Variants in CAMSAP2 observed in about 807,000 individuals in gnomAD.
CAMSAP2 encodes calmodulin regulated spectrin associated protein family member 2.
CAMSAP2 carries 26 observed loss-of-function variants against 146.1 expected under a neutral mutation model. That is an observed-to-expected ratio of 0.18 (90% CI 0.13 to 0.25). The LOEUF is 0.25. Among genes scored for constraint, CAMSAP2 ranks in the 10% least tolerant of loss-of-function variants. The pLI, the probability that CAMSAP2 is intolerant of heterozygous loss-of-function variation, is 1.00. For synonymous variants in CAMSAP2, 499 were observed against 596.6 expected (o/e 0.84, Z 2.38); for missense variants, 1,381 against 1,759.3 (o/e 0.78, Z 3.85).
Position 200,848,681 on chromosome 1 carries a change from T to C in CAMSAP2, c.1912T>C (p.Ser638Pro), listed in dbSNP as rs1667528439. Residue 638 changes from serine (S) to proline (P), a missense_variant, in exon 11 of 17, where the codon TCT becomes CCT. Coordinates refer to ENST00000358823, the MANE Select transcript of CAMSAP2 (RefSeq NM_203459.4). ...GAGAGATTATACTGTAAGCTTGGAC[T>C]CTGACATGGATGATGCATCTAAATT... Reference protein sequence around the residue: ...SLRDYTVSLDSDMDDASKFLQ... With the variant: ...SLRDYTVSLDPDMDDASKFLQ... The C allele has an allele frequency of 1.2e-6, 2 of 1,614,048 alleles. No homozygotes were observed. Among genetic ancestry groups the C allele is most frequent in the Non-Finnish European group, 1.7e-6 (2 of 1,180,004 alleles).
At chr1:200,852,417 A>C in intron 11 of CAMSAP2, 124 bp from the exon 12 acceptor site, 3 of 999,964 alleles carry the variant, frequency 3.0e-6, no homozygotes, top group Non-Finnish European at 4.3e-6. Context: ...ACCCACATTC[A>C]GAAGGGTTGT....
chr1:200,791,355 T>G (rs1237431671), intron 2 of CAMSAP2, among the ~76,000 whole-genome samples: 1 of 152,224 alleles, frequency 6.6e-6, no homozygotes, highest in Non-Finnish European at 1.5e-5. Flanking sequence ...TTTCTTTGTA[T>G]TTACCCCGTT....
In CAMSAP2 at chr1:200,858,210, A is replaced by G; in HGVS notation, c.*151A>G. On this transcript the variant is annotated 3_prime_UTR_variant, in exon 17 of 17. Transcript: ENST00000358823. The stretch of plus-strand genomic sequence containing the variant: ...GTCATGAACAACTGGAATGTAAACC[A>G]CAGTATTTTGGAGTGCAGAACATTC... 1 of 645,692 alleles carries G rather than the reference A, an allele frequency of 1.5e-6. No individual in the cohort carries two copies. Among genetic ancestry groups the G allele is most frequent in the South Asian group, 2.6e-5 (1 of 38,202 alleles). 40.0% of individuals were successfully genotyped at this position (645,692 alleles called of 1,614,324 possible). A position where few individuals can be genotyped will look rare whatever the true frequency, so the allele number is the denominator to read the frequency against.
At chr1:200,783,714 C>T (rs1665506626) in intron 2 of CAMSAP2, among the ~76,000 whole-genome samples, 1 of 152,088 alleles carries the variant, frequency 6.6e-6, no homozygotes, top group African/African-American at 2.4e-5. Context: ...GTTTTGAACT[C>T]CTGGGCTCAA....
At chr1:200,782,441 G>C (rs144937160) in intron 2 of CAMSAP2, among the ~76,000 whole-genome samples, 3 of 152,170 alleles carry the variant, frequency 2.0e-5, no homozygotes, top group Non-Finnish European at 4.4e-5. Context: ...AAATTCCCTT[G>C]TGCCTTTTTG....
intron 1 of CAMSAP2, among the ~76,000 whole-genome samples, chr1:200,757,451 A>G (rs6427855): frequency 0.32 from 48,162 of 152,020 alleles, 8,686 homozygotes; most frequent in East Asian, 0.52. Context: ...AACTCATCTC[A>G]TATCCTTTGC....
chr1:200,745,770 TTGA>T (rs1195381603), intron 1 of CAMSAP2, among the ~76,000 whole-genome samples: 1 of 152,176 alleles, frequency 6.6e-6, no homozygotes, highest in African/African-American at 2.4e-5. Context: ...TTGTGCCTGG[TTGA>T]TGATGATGTT....
At chr1:200,740,289 G>A (rs984183482) in intron 1 of CAMSAP2, among the ~76,000 whole-genome samples, 4 of 151,654 alleles carry the variant, frequency 2.6e-5, no homozygotes, top group African/African-American at 9.7e-5. Flanking sequence ...ATTGTGTTGC[G>A]TACATTTCTG....
chr1:200,805,575 T>C (rs932156031), intron 2 of CAMSAP2, among the ~76,000 whole-genome samples: 2 of 152,226 alleles, frequency 1.3e-5, no homozygotes, highest in African/African-American at 2.4e-5. Flanking sequence ...TGCCGTACTT[T>C]AGATAATTTA....
chr1:200,790,491 C>T (rs564183798), intron 2 of CAMSAP2, among the ~76,000 whole-genome samples: 1 of 152,176 alleles, frequency 6.6e-6, no homozygotes, highest in East Asian at 1.9e-4. Context: ...TTACTCTGAA[C>T]CTGCAACAAT....
At position 200,853,312 on chromosome 1, in the gene CAMSAP2, G is replaced by A; in HGVS notation, c.3640G>A (p.Glu1214Lys). Residue 1214 changes from glutamate to lysine, a missense_variant, in exon 13 of 17, where the codon GAG becomes AAG. By Grantham distance (56) the Glu-to-Lys change is moderately conservative. Transcript: ENST00000358823. The surrounding 1 kb of genome is among the most constrained non-coding windows in gnomAD (Gnocchi z 5.1). ...GGAAGAACGTCAGAAGAAAGAAGAT[G>A]AGAGAGCACGCAGAGAATTTATTAG... ...TEEERQKKED[E>K]RARREFIRQE... is the part of the protein sequence containing the mutation. The A allele has an allele frequency of 6.2e-7, 1 of 1,613,554 alleles. No homozygotes were observed. Among genetic ancestry groups the A allele is most frequent in the Non-Finnish European group, 8.5e-7 (1 of 1,179,904 alleles).
intron 1 of CAMSAP2, among the ~76,000 whole-genome samples, chr1:200,747,556 A>G (rs190007362): frequency 1.3e-5 from 2 of 152,302 alleles, no homozygotes; most frequent in East Asian, 3.9e-4. Context: ...CAAATTGGCT[A>G]ATAGTAAAGA....
At chr1:200,852,509 G>A in intron 11 of CAMSAP2, 32 bp from the exon 12 acceptor site, 1 of 1,597,514 alleles carries the variant, frequency 6.3e-7, no homozygotes, top group Non-Finnish European at 8.5e-7. Context: ...TACCTAAAAT[G>A]TTTGATCGTT....
At chr1:200,830,447 A>G (rs1029317140) in intron 4 of CAMSAP2, among the ~76,000 whole-genome samples, 7 of 152,220 alleles carry the variant, frequency 4.6e-5, no homozygotes, top group Admixed American at 2.0e-4. Flanking sequence ...GCTTAGTCCA[A>G]TTCAGGTCAT....
chr1:200,756,671 C>T (rs996824807), intron 1 of CAMSAP2, among the ~76,000 whole-genome samples: 2 of 152,058 alleles, frequency 1.3e-5, no homozygotes, highest in Admixed American at 1.3e-4. Flanking sequence ...ACTAAAGTTT[C>T]TCAAAGCGTG....
chr1:200,759,746 A>G (rs1002893893), intron 1 of CAMSAP2, among the ~76,000 whole-genome samples: 14 of 152,170 alleles, frequency 9.2e-5, no homozygotes, highest in Non-Finnish European at 1.3e-4. Flanking sequence ...GGACAGAGCT[A>G]TCAGGTTCTA....
At chr1:200,847,042 A>G (rs756982713) in intron 8 of CAMSAP2, among the ~76,000 whole-genome samples, 168 bp from the exon 9 acceptor site, 6 of 152,232 alleles carry the variant, frequency 3.9e-5, no homozygotes, top group Non-Finnish European at 7.3e-5. Context: ...ATATATAGAT[A>G]CATACTGTAA....
At position 200,849,367 on chromosome 1, in the gene CAMSAP2, C is replaced by T. The variant is rs1357118656; in HGVS notation, c.2598C>T (p.Ser866=). 1.2e-6 allele frequency: 2 copies of T among 1,614,026 alleles called. No homozygotes were observed. The highest frequency in any genetic ancestry group is 1.3e-5 in the African/African-American group (1 of 74,986). ...CTGAGAAGCAGTGGAACCTGGCAAG[C>T]CCCTCAGAAGAAACTTTAAATGAAG... ...IDPEKQWNLA[S]PSEETLNEGE... The change falls in exon 11 of 17, where the codon AGC becomes AGT. Residue 866 remains serine, a synonymous_variant. Coordinates refer to ENST00000358823, the MANE Select transcript of CAMSAP2 (RefSeq NM_203459.4). This position sits in a 1 kb window ranked among gnomAD's most constrained non-coding sequence, Gnocchi z 6.3.
chr1:200,778,658 G>GT, intron 2 of CAMSAP2, among the ~76,000 whole-genome samples: 1 of 152,012 alleles, frequency 6.6e-6, no homozygotes. Context: ...ATTTTTACCA[G>GT]TTTTTTTCAT....
Sources: allele counts gnomAD v4.1 joint callset (sites outside exome capture counted in the v4.1 genomes callset), GRCh38; gene constraint gnomAD v4.1.1; non-coding constraint Gnocchi (gnomAD v3.1); transcripts MANE v1.5; gene names NCBI Gene and HGNC (gene_info 2026-07-23, HGNC 2026-07-21).